LDLRAD4: variants seen among roughly 807,000 people sequenced by gnomAD.
LDLRAD4 encodes low-density lipoprotein receptor class A domain-containing protein 4.
A neutral mutation model predicts 17.0 loss-of-function variants in LDLRAD4; 5 were observed. The observed-to-expected ratio is 0.29, with a 90% CI of 0.15 to 0.62. The LOEUF is 0.62. Among genes scored for constraint, LDLRAD4 ranks in the 20% least tolerant of loss-of-function variants. LDLRAD4 has a pLI of 0.84. For synonymous variants in LDLRAD4, 168 were observed against 171.8 expected (o/e 0.98, Z 0.17); for missense variants, 340 against 424.7 (o/e 0.80, Z 1.75).
intron 3 of LDLRAD4, among the ~76,000 whole-genome samples, chr18:13,610,463 T>A (rs989137154): frequency 5.3e-5 from 8 of 151,752 alleles, no homozygotes; most frequent in Non-Finnish European, 1.2e-4. Context: ...AATTTTTGTA[T>A]TTTTAGTAGA....
chr18:13,479,682 C>T (rs2146923627), intron 3 of LDLRAD4, among the ~76,000 whole-genome samples: 1 of 152,018 alleles, frequency 6.6e-6, no homozygotes, highest in East Asian at 1.9e-4. Context: ...TTTACAGAGA[C>T]AATCTGATAA....
At chr18:13,319,336 C>G (rs995049442) in intron 1 of LDLRAD4, among the ~76,000 whole-genome samples, 1 of 151,992 alleles carries the variant, frequency 6.6e-6, no homozygotes, top group African/African-American at 2.4e-5. Context: ...TGGCCCAGGT[C>G]GTGCAGCTGC....
At chr18:13,328,426 T>C (rs1449410914) in intron 1 of LDLRAD4, among the ~76,000 whole-genome samples, 3 of 152,230 alleles carry the variant, frequency 2.0e-5, no homozygotes, top group African/African-American at 7.2e-5. Context: ...ATCCCTGTCT[T>C]ATTCTTCCCA....
intron 1 of LDLRAD4, among the ~76,000 whole-genome samples, chr18:13,227,050 TGCAGACAGAAAATTCATGATGG>T (rs1474212385): frequency 1.2e-4 from 18 of 152,194 alleles, no homozygotes; most frequent in South Asian, 4.1e-4. Flanking sequence ...CCCCTAAGGA[TGCAGACAGAAAATTCATGATGG>T]GCAGACAGAA....
At chr18:13,612,747 C>T in intron 3 of LDLRAD4, 2 of 1,613,818 alleles carry the variant, frequency 1.2e-6, no homozygotes, top group Non-Finnish European at 8.5e-7. Context: ...GAAGGAGGCT[C>T]AGTTCAAAGA....
At chr18:13,414,027 G>A (rs2088630852) in intron 2 of LDLRAD4, among the ~76,000 whole-genome samples, 1 of 152,204 alleles carries the variant, frequency 6.6e-6, no homozygotes, top group Non-Finnish European at 1.5e-5. Context: ...TGTTGCTCTG[G>A]TGGTGTGCTG....
intron 3 of LDLRAD4, among the ~76,000 whole-genome samples, chr18:13,577,320 G>A (rs1220701039): frequency 6.6e-6 from 1 of 152,156 alleles, no homozygotes; most frequent in Non-Finnish European, 1.5e-5. Context: ...AGCAGCTTTT[G>A]AGAACTGAGA....
At chr18:13,444,327 T>G (rs1022364728) in intron 3 of LDLRAD4, among the ~76,000 whole-genome samples, 1 of 152,360 alleles carries the variant, frequency 6.6e-6, no homozygotes, top group Middle Eastern at 3.4e-3. Flanking sequence ...CAGGTTAAAC[T>G]CCAGGCGTGC....
At chr18:13,433,687 T>A (rs757966930) in intron 2 of LDLRAD4, among the ~76,000 whole-genome samples, 13 of 150,362 alleles carry the variant, frequency 8.6e-5, no homozygotes, top group Non-Finnish European at 1.8e-4. Flanking sequence ...GTCCTTAAAA[T>A]TTTTTTTAAC....
Position 13,510,903 on chromosome 18 carries a change from TCAACA to T in LDLRAD4, c.181+72523_181+72527del, listed in dbSNP as rs1568277961. On this transcript the variant is annotated intron_variant, in intron 3 of 5. Coordinates refer to ENST00000359446, the Ensembl canonical transcript of LDLRAD4. ...TGGGGTGAGGAGTGAGAGGGAAACT[TCAACA>T]CAAAACAAAACAGGAAGATAGTGGA... Among the ~76,000 whole-genome samples the T allele has an allele frequency of 3.9e-5, 6 of 152,144 alleles. No homozygotes were observed. In the South Asian group the frequency reaches 1.0e-3, roughly 26 times the overall value.
chr18:13,311,251 G>T (rs941908230), intron 1 of LDLRAD4, among the ~76,000 whole-genome samples: 2 of 152,228 alleles, frequency 1.3e-5, no homozygotes, highest in Non-Finnish European at 2.9e-5. Context: ...CCCTCAAAAA[G>T]CCAGACAGGG....
chr18:13,412,792 G>T (rs369592212), intron 2 of LDLRAD4, among the ~76,000 whole-genome samples: 1 of 152,166 alleles, frequency 6.6e-6, no homozygotes, highest in Non-Finnish European at 1.5e-5. Context: ...GCCAGTAGGC[G>T]CTCCGTAAGT....
At chr18:13,489,611 G>A (rs894964395) in intron 3 of LDLRAD4, 1 of 152,202 alleles carries the variant, frequency 6.6e-6, no homozygotes, top group African/African-American at 2.4e-5. Context: ...AGCCAGCTTG[G>A]TCCACACCCT....
At chr18:13,584,720 G>A (rs1244038922) in intron 3 of LDLRAD4, among the ~76,000 whole-genome samples, 1 of 152,196 alleles carries the variant, frequency 6.6e-6, no homozygotes, top group Admixed American at 6.5e-5. Context: ...GTGCTGTGGG[G>A]AAGAAAGGCA....
chr18:13,352,419 A>G (rs1221270003), intron 1 of LDLRAD4, among the ~76,000 whole-genome samples: 1 of 152,184 alleles, frequency 6.6e-6, no homozygotes, highest in African/African-American at 2.4e-5. Context: ...GTTTAAATAA[A>G]TCCTCACATT....
At chr18:13,533,062 T>G (rs1408743046) in intron 3 of LDLRAD4, among the ~76,000 whole-genome samples, 6 of 152,232 alleles carry the variant, frequency 3.9e-5, no homozygotes, top group Non-Finnish European at 1.5e-5. Context: ...TACCCATTGT[T>G]TTTCATTAAC....
intron 3 of LDLRAD4, among the ~76,000 whole-genome samples, chr18:13,513,939 G>A (rs771617627): frequency 1.6e-4 from 25 of 152,188 alleles, no homozygotes; most frequent in Non-Finnish European, 3.1e-4. Context: ...GGCTTTTTCA[G>A]CTAGAAGGGC....
intron 3 of LDLRAD4, among the ~76,000 whole-genome samples, chr18:13,444,539 C>T (rs1248708297): frequency 6.6e-6 from 1 of 152,198 alleles, no homozygotes; most frequent in African/African-American, 2.4e-5. Flanking sequence ...GAAAGTTATA[C>T]ACAAATTTTC....
intron 3 of LDLRAD4, among the ~76,000 whole-genome samples, chr18:13,510,051 G>C (rs935897669): frequency 1.3e-5 from 2 of 152,220 alleles, no homozygotes; most frequent in African/African-American, 4.8e-5. Flanking sequence ...ATATCTGTGT[G>C]ACTCACTTTG....
Sources: gnomAD v4.1 joint callset for allele counts (sites outside exome capture counted in the v4.1 genomes callset) on GRCh38, gnomAD v4.1.1 for gene constraint, MANE v1.5 for transcripts, NCBI Gene and HGNC (gene_info 2026-07-23, HGNC 2026-07-21) for gene names.